The following RNF166 variants were observed in gnomAD, a reference collection of about 807,000 sequenced individuals.
RNF166 encodes E3 ubiquitin-protein ligase RNF166.
RNF166 carries 19 observed loss-of-function variants against 29.4 expected under a neutral mutation model. The ratio of observed to expected loss-of-function variants is 0.65; its 90% CI spans 0.45 to 0.95. RNF166 has a LOEUF of 0.95. Among genes scored for constraint, RNF166 ranks in the 40% least tolerant of loss-of-function variants. RNF166 has a pLI of 0.00. For synonymous variants in RNF166, 171 were observed against 134.5 expected (o/e 1.27, Z -1.88); for missense variants, 347 against 322.1 (o/e 1.08, Z -0.59).
chr16:88,705,964 G>A (rs1436494721), intron 1 of RNF166, among the ~76,000 whole-genome samples: 1 of 152,084 alleles, frequency 6.6e-6, no homozygotes, highest in Non-Finnish European at 1.5e-5. Flanking sequence ...CGGCTGGCGC[G>A]AAGGAGGCTG....
At chr16:88,703,759 C>T in intron 1 of RNF166, 1 of 985,520 alleles carries the variant, frequency 1.0e-6, no homozygotes, top group Non-Finnish European at 1.2e-6. Context: ...CGATCGCGCA[C>T]TGGCCCTCCC....
At position 88,696,645 on chromosome 16, in the gene RNF166, T is replaced by G; in HGVS notation, c.*923A>C. The stretch of plus-strand genomic sequence containing the variant: ...CCCCCAAGCTCTGCCACCACTGGGG[T>G]GCCGTCCCCTCCCGCAGCGGGGCAC... On this transcript the variant is annotated 3_prime_UTR_variant, in exon 6 of 6. Coordinates refer to ENST00000312838, the MANE Select transcript of RNF166 (RefSeq NM_178841.4). 2.2e-6 allele frequency: 1 copy of G among 445,986 alleles called. No individual in the cohort carries two copies. The highest frequency in any genetic ancestry group is 4.5e-6 in the Non-Finnish European group (1 of 224,476). The allele number at this position is 445,986 out of a possible 1,614,324, so 27.6% of individuals were successfully genotyped here.
intron 1 of RNF166, among the ~76,000 whole-genome samples, chr16:88,705,056 C>A (rs927829771): frequency 6.6e-6 from 1 of 152,222 alleles, no homozygotes; most frequent in African/African-American, 2.4e-5. Flanking sequence ...GATGGAGGAG[C>A]AGGGGCAGAG....
At chr16:88,702,717 T>A (rs893694005) in intron 1 of RNF166, 1 of 985,268 alleles carries the variant, frequency 1.0e-6, no homozygotes, top group Non-Finnish European at 1.2e-6. Flanking sequence ...TTGAGACCCG[T>A]CAGAAAGTGA....
chr16:88,698,217 T>A, intron 5 of RNF166: 1 of 618,840 alleles, frequency 1.6e-6, no homozygotes, highest in Non-Finnish European at 2.9e-6. Context: ...GAAGCCTGGC[T>A]CACCCTCGAG....
chr16:88,701,550 T>G, intron 1 of RNF166, 132 bp from the exon 2 acceptor site: 1 of 846,862 alleles, frequency 1.2e-6, no homozygotes, highest in Non-Finnish European at 1.8e-6. Context: ...GCTGTCGCCG[T>G]CTCTGGAGAT....
At chr16:88,698,417 G>A (rs1481815621) in intron 5 of RNF166, 85 bp downstream of exon 5, 10 of 1,066,494 alleles carry the variant, frequency 9.4e-6, no homozygotes, top group African/African-American at 4.7e-5. Context: ...TGAACCCTGC[G>A]GACCCTGAGG....
At chr16:88,703,087 A>G (rs1910423683) in intron 1 of RNF166, 1 of 985,590 alleles carries the variant, frequency 1.0e-6, no homozygotes, top group South Asian at 4.7e-5. Context: ...AAAACAGTGC[A>G]GGGCAGACAG....
chr16:88,705,926 C>T (rs1054082476), intron 1 of RNF166, among the ~76,000 whole-genome samples: 7 of 152,064 alleles, frequency 4.6e-5, no homozygotes, highest in Non-Finnish European at 1.0e-4. Context: ...GCCCGGTGAA[C>T]CGAAGCAGCA....
At chr16:88,703,201 A>G in intron 1 of RNF166, 7 of 972,306 alleles carry the variant, frequency 7.2e-6, no homozygotes, top group Non-Finnish European at 8.6e-6. Context: ...GGCGAGGGGG[A>G]GAGTCCTGGG....
chr16:88,703,610 C>T, intron 1 of RNF166: 1 of 985,472 alleles, frequency 1.0e-6, no homozygotes, highest in Non-Finnish European at 1.2e-6. Flanking sequence ...GAGCCAGCAG[C>T]CGGGAGTAGT....
At chr16:88,698,643 C>T (rs1262496596) in intron 4 of RNF166, 34 bp from the exon 5 acceptor site, 4 of 1,455,864 alleles carry the variant, frequency 2.7e-6, no homozygotes, top group Non-Finnish European at 3.7e-6. Flanking sequence ...CCGAGCCGGA[C>T]CGCGGAGAGG....
At chr16:88,698,441 C>G (rs550847063) in intron 5 of RNF166, 61 bp downstream of exon 5, 1 of 1,342,724 alleles carries the variant, frequency 7.4e-7, no homozygotes, top group Non-Finnish European at 1.0e-6. Flanking sequence ...GCGAGGGGCC[C>G]GAGCAGGAGG....
intron 1 of RNF166, chr16:88,703,524 G>GA (rs1597412359): frequency 1.0e-6 from 1 of 985,422 alleles, no homozygotes; most frequent in East Asian, 1.1e-4. Flanking sequence ...CCGAGGAGCA[G>GA]GAGGCAGAAC....
intron 1 of RNF166, chr16:88,703,414 G>A (rs1597412129): frequency 8.1e-6 from 8 of 985,528 alleles, no homozygotes; most frequent in Non-Finnish European, 9.6e-6. Context: ...GAGGAAAGGT[G>A]CCCAGAAGGT....
In RNF166 at chr16:88,701,020, G is replaced by C. The variant is rs1910160619; in HGVS notation, c.312+242C>G. 3.8e-5 allele frequency: 52 copies of C among 1,380,848 alleles called. 1 individual carries two copies. The South Asian group carries it at 7.9e-4, about 21-fold the overall frequency. 85.5% of individuals were successfully genotyped at this position (1,380,848 alleles called of 1,614,324 possible). ...ACGTGGGTTCCCCTGGCCCGGGCTAGGCGGCTCTGACAGTGCTACCCCCAC... is the reference window on the plus strand; with the variant it reads ...ACGTGGGTTCCCCTGGCCCGGGCTACGCGGCTCTGACAGTGCTACCCCCAC... On this transcript the variant is annotated intron_variant, in intron 2 of 5. Coordinates refer to ENST00000312838, the MANE Select transcript of RNF166 (RefSeq NM_178841.4).
At chr16:88,703,934 A>G (rs541106703) in intron 1 of RNF166, 1 of 985,444 alleles carries the variant, frequency 1.0e-6, no homozygotes, top group African/African-American at 1.7e-5. Flanking sequence ...CAGCCCTTCC[A>G]GGCAGGTTCG....
chr16:88,706,296 C>G lies in RNF166; in HGVS notation c.30G>C (p.Ser10=). ...CGGCCGGCGGCTGCCGCTGCTGAGC[C>G]GAGGCCACCAGGCTGCGGAACATAG... MAMFRSLVA[S]AQQRQPPAGP... The change falls in exon 1 of 6, where the codon TCG becomes TCC. Residue 10 remains serine (S), a synonymous_variant. Transcript: ENST00000312838. 7.8e-7 allele frequency: 1 copy of G among 1,276,474 alleles called. No individual in the cohort carries two copies. Among genetic ancestry groups the G allele is most frequent in the Non-Finnish European group, 9.9e-7 (1 of 1,012,696 alleles). 79.1% of individuals were successfully genotyped at this position (1,276,474 alleles called of 1,614,324 possible).
At chr16:88,703,631 C>G (rs1449525046) in intron 1 of RNF166, 2 of 985,456 alleles carry the variant, frequency 2.0e-6, no homozygotes, top group Non-Finnish European at 2.4e-6. Context: ...GCCCGCTTCC[C>G]CCACAGGAAG....
Sources: allele counts gnomAD v4.1 joint callset (sites outside exome capture counted in the v4.1 genomes callset), GRCh38; gene constraint gnomAD v4.1.1; transcripts MANE v1.5; gene names NCBI Gene and HGNC (gene_info 2026-07-23, HGNC 2026-07-21).